CROT: variants seen among roughly 807,000 people sequenced by gnomAD.
CROT encodes the protein carnitine O-octanoyltransferase.
CROT carries 84 observed loss-of-function variants against 89.2 expected under a neutral mutation model. The observed-to-expected ratio is 0.94, with a 90% CI of 0.79 to 1.13. CROT has a LOEUF of 1.13. Ranked by LOEUF, CROT falls within the 50% of genes most tolerant of loss-of-function variation. CROT has a pLI of 0.00. For synonymous variants in CROT, 212 were observed against 239.5 expected (o/e 0.89, Z 1.06); for missense variants, 711 against 727.8 (o/e 0.98, Z 0.27).
At chr7:87,388,058 C>T (rs900113553) in intron 13 of CROT, among the ~76,000 whole-genome samples, 5 of 152,094 alleles carry the variant, frequency 3.3e-5, no homozygotes, top group African/African-American at 1.2e-4. Flanking sequence ...TGATACCTTC[C>T]AGGTCCCTAG....
At chr7:87,367,304 A>G (rs1429379549) in intron 6 of CROT, among the ~76,000 whole-genome samples, 1 of 152,182 alleles carries the variant, frequency 6.6e-6, no homozygotes, top group Non-Finnish European at 1.5e-5. Context: ...TTGAAGATGG[A>G]AGAAGGGGTT....
chr7:87,376,378 A>G (rs1478914780), intron 9 of CROT, among the ~76,000 whole-genome samples: 1 of 152,056 alleles, frequency 6.6e-6, no homozygotes, highest in Non-Finnish European at 1.5e-5. Context: ...CACCCTTGTA[A>G]GTCATTTATT....
intron 13 of CROT, among the ~76,000 whole-genome samples, chr7:87,388,585 G>GA (rs1807256286): frequency 1.3e-5 from 2 of 152,156 alleles, no homozygotes; most frequent in Non-Finnish European, 2.9e-5. Context: ...GCAGAAAACT[G>GA]AAACTGGACC....
Sources: gnomAD v4.1 joint callset for allele counts (sites outside exome capture counted in the v4.1 genomes callset) on GRCh38, gnomAD v4.1.1 for gene constraint, MANE v1.5 for transcripts, NCBI Gene and HGNC (gene_info 2026-07-23, HGNC 2026-07-21) for gene names.